NRG3: variants seen among roughly 807,000 people sequenced by gnomAD.
The protein encoded by NRG3 is neuregulin 3.
In NRG3, 31 loss-of-function variants were observed where a neutral mutation model predicts 66.9. The observed-to-expected ratio is 0.46, with a 90% CI of 0.35 to 0.63. The LOEUF is 0.63. Among genes scored for constraint, NRG3 ranks in the 20% least tolerant of loss-of-function variants. NRG3 has a pLI of 0.00. For synonymous variants in NRG3, 393 were observed against 359.4 expected, an observed-to-expected ratio of 1.09 and a Z score of -1.06; for missense variants, 910 against 878.9, an observed-to-expected ratio of 1.04 and a Z score of -0.45.
chr10:82,930,226 A>G (rs951949647), intron 4 of NRG3, among the ~76,000 whole-genome samples: 1 of 152,200 alleles, frequency 6.6e-6, no homozygotes, highest in Non-Finnish European at 1.5e-5. Context: ...CCAGTTTTTT[A>G]TTCACAGTTT....
At chr10:82,221,841 A>G (rs1423879758) in intron 1 of NRG3, among the ~76,000 whole-genome samples, 1 of 152,230 alleles carries the variant, frequency 6.6e-6, no homozygotes, top group African/African-American at 2.4e-5. Context: ...CACTGAAGCC[A>G]TCCTGAAGTT....
chr10:82,121,175 C>T (rs556292746), intron 1 of NRG3, among the ~76,000 whole-genome samples: 4 of 152,222 alleles, frequency 2.6e-5, no homozygotes, highest in African/African-American at 7.2e-5. Flanking sequence ...TCCACCACCA[C>T]AGTTTAGTCT....
chr10:82,305,423 C>A (rs947128973), intron 1 of NRG3, among the ~76,000 whole-genome samples: 16 of 151,990 alleles, frequency 1.1e-4, no homozygotes, highest in Non-Finnish European at 2.4e-4. Flanking sequence ...AATAAACTTA[C>A]CTTGTTCAAA....
chr10:82,012,419 A>G (rs1299780702), intron 1 of NRG3, among the ~76,000 whole-genome samples: 1 of 152,182 alleles, frequency 6.6e-6, no homozygotes, highest in Admixed American at 6.5e-5. Flanking sequence ...CTGACATGCC[A>G]TGGAGACATT....
intron 3 of NRG3, among the ~76,000 whole-genome samples, chr10:82,753,324 C>T (rs1244755364): frequency 3.3e-5 from 5 of 151,616 alleles, no homozygotes; most frequent in Non-Finnish European, 2.9e-5. Flanking sequence ...TATTCCTCCC[C>T]AGTGTGTAAT....
At position 82,787,794 on chromosome 10, in the gene NRG3, A is replaced by G. The variant is rs73307216; in HGVS notation, c.1027+49144A>G. 1.8e-3 allele frequency among the ~76,000 whole-genome samples: 268 copies of G among 152,272 alleles called. 1 individual carries two copies. Among genetic ancestry groups the G allele is most frequent in the African/African-American group, 6.2e-3 (257 of 41,568 alleles). On this transcript the variant is annotated intron_variant, in intron 3 of 8. Coordinates refer to ENST00000372141, the MANE Select transcript of NRG3 (RefSeq NM_001010848.4). ...ATCTGAATGTCAAAAGTCAAATACA[A>G]ATGTCAAGGCCATTCCACATCACTG...
chr10:82,352,659 G>A (rs2135526653), intron 1 of NRG3, among the ~76,000 whole-genome samples: 1 of 152,258 alleles, frequency 6.6e-6, no homozygotes, highest in Admixed American at 6.5e-5. Flanking sequence ...GTGGGATTGT[G>A]GGGGTGCAAG....
chr10:82,490,603 A>T (rs1843011824), intron 2 of NRG3, among the ~76,000 whole-genome samples: 1 of 152,122 alleles, frequency 6.6e-6, no homozygotes, highest in South Asian at 2.1e-4. Context: ...TTTCAACAAC[A>T]TTAAAAATTA....
At chr10:82,134,729 C>T (rs2069197330) in intron 1 of NRG3, among the ~76,000 whole-genome samples, 2 of 151,912 alleles carry the variant, frequency 1.3e-5, no homozygotes, top group Non-Finnish European at 2.9e-5. Context: ...TTAGGATTGC[C>T]TTGGCTATTC....
At chr10:82,767,100 A>G (rs923574179) in intron 3 of NRG3, among the ~76,000 whole-genome samples, 5 of 151,196 alleles carry the variant, frequency 3.3e-5, no homozygotes, top group Admixed American at 2.0e-4. Context: ...TCAAGTATGA[A>G]ATTTTGATTA....
intron 4 of NRG3, among the ~76,000 whole-genome samples, chr10:82,917,418 G>A (rs969464374): frequency 3.9e-5 from 6 of 152,158 alleles, no homozygotes; most frequent in East Asian, 1.9e-4. Context: ...CACACAAGTC[G>A]GGCTTTCATT....
chr10:81,942,249 G>A (rs147688132), intron 1 of NRG3, among the ~76,000 whole-genome samples: 3 of 152,030 alleles, frequency 2.0e-5, no homozygotes, highest in South Asian at 2.1e-4. Context: ...ATGCGACTGC[G>A]TTTTAGTGCT....
At chr10:82,389,864 G>C (rs575762391) in intron 2 of NRG3, among the ~76,000 whole-genome samples, 1 of 152,140 alleles carries the variant, frequency 6.6e-6, no homozygotes, top group African/African-American at 2.4e-5. Flanking sequence ...ACATTAACAC[G>C]TATGATAACT....
intron 1 of NRG3, among the ~76,000 whole-genome samples, chr10:82,179,387 C>T (rs1029219578): frequency 1.3e-5 from 2 of 151,936 alleles, no homozygotes; most frequent in South Asian, 4.1e-4. Context: ...TCAGGTCTTA[C>T]ATGTAAGTCT....
At chr10:82,466,962 G>A (rs954151034) in intron 2 of NRG3, among the ~76,000 whole-genome samples, 18 of 151,698 alleles carry the variant, frequency 1.2e-4, no homozygotes, top group South Asian at 6.2e-4. Flanking sequence ...TTAAGCAGGC[G>A]AAGGCGGGTG....
chr10:82,501,488 A>G (rs1240613635), intron 2 of NRG3, among the ~76,000 whole-genome samples: 1 of 152,026 alleles, frequency 6.6e-6, no homozygotes, highest in African/African-American at 2.4e-5. Context: ...CCCCTTCCCC[A>G]TGGGCTTTCT....
chr10:82,165,287 A>G (rs2071952401), intron 1 of NRG3, among the ~76,000 whole-genome samples: 1 of 152,138 alleles, frequency 6.6e-6, no homozygotes, highest in Non-Finnish European at 1.5e-5. Context: ...ATATAAAAAT[A>G]CGATTTGCAT....
chr10:82,298,528 T>G (rs1029945518), intron 1 of NRG3, among the ~76,000 whole-genome samples: 2 of 152,176 alleles, frequency 1.3e-5, no homozygotes, highest in Non-Finnish European at 1.5e-5. Flanking sequence ...TCTCTGTACC[T>G]TTGGCAACAT....
intron 2 of NRG3, among the ~76,000 whole-genome samples, chr10:82,714,619 T>TA (rs1363998839): frequency 3.3e-5 from 5 of 152,354 alleles, no homozygotes; most frequent in Non-Finnish European, 5.9e-5. Context: ...TACCTTAATT[T>TA]AAAAATGAAG....
Sources: gnomAD v4.1 joint callset for allele counts (sites outside exome capture counted in the v4.1 genomes callset) on GRCh38, gnomAD v4.1.1 for gene constraint, MANE v1.5 for transcripts, NCBI Gene and HGNC (gene_info 2026-07-23, HGNC 2026-07-21) for gene names.